Variants in SPDYE17 observed in about 807,000 individuals in gnomAD.
SPDYE17 encodes speedy protein E17.
For missense variants in SPDYE17, 7 were observed against 38.0 expected (o/e 0.18, Z 2.15); for synonymous variants, 4 against 14.8 (o/e 0.27, Z 1.68).
intron 5 of SPDYE17, chr7:77,025,429 A>G (rs1489490437): frequency 1.5e-5 from 3 of 195,988 alleles, no homozygotes; most frequent in Non-Finnish European, 2.7e-5. Context: ...TGGGCAACAT[A>G]GCAAGACCCT....
At chr7:77,026,527 T>C (rs1358447349) in intron 5 of SPDYE17, among the ~76,000 whole-genome samples, 3 of 150,270 alleles carry the variant, frequency 2.0e-5, no homozygotes, top group Admixed American at 6.8e-5. Context: ...CGGAGGAGGC[T>C]GATGGCTTTT....
intron 5 of SPDYE17, among the ~76,000 whole-genome samples, chr7:77,026,530 T>C (rs1789435468): frequency 6.6e-6 from 1 of 150,430 alleles, no homozygotes; most frequent in African/African-American, 2.4e-5. Context: ...AGGAGGCTGA[T>C]GGCTTTTGCG....
At chr7:77,026,470 C>T (rs1488824149) in intron 5 of SPDYE17, among the ~76,000 whole-genome samples, 25 of 149,026 alleles carry the variant, frequency 1.7e-4, no homozygotes, top group African/African-American at 4.9e-4. Flanking sequence ...ACAGTGGATT[C>T]GAGTGATGCA....
Position 77,029,821 on chromosome 7 carries a change from C to T in SPDYE17, c.131-370G>A, listed in dbSNP as rs1208505404. On this transcript the variant is annotated intron_variant, in intron 2 of 7. Coordinates refer to ENST00000671986, the MANE Select transcript of SPDYE17 (RefSeq NM_001351351.3). ...TCCCGGATTCCATTTATTCTCCTGCCTCAGCCTCTCAGGTAGCTGGGATTA... is the reference window on the plus strand; with the variant it reads ...TCCCGGATTCCATTTATTCTCCTGCTTCAGCCTCTCAGGTAGCTGGGATTA... 1.6e-5 allele frequency among the ~76,000 whole-genome samples: 2 copies of T among 127,474 alleles called. 1 individual carries two copies. The highest frequency in any genetic ancestry group is 3.2e-5 in the Non-Finnish European group (2 of 62,060). 83.6% of individuals were successfully genotyped at this position (127,474 alleles called of 152,430 possible). A position where few individuals can be genotyped will look rare whatever the true frequency, so the allele number is the denominator to read the frequency against.
At chr7:77,028,267 C>A in intron 3 of SPDYE17, 67 bp from the exon 4 acceptor site, 4 of 1,059,590 alleles carry the variant, frequency 3.8e-6, no homozygotes, top group Non-Finnish European at 5.1e-6. Context: ...AGCAGGGCAG[C>A]GAGGAGAAGT....
chr7:77,029,965 C>G (rs1442456639), intron 2 of SPDYE17, among the ~76,000 whole-genome samples: 1 of 125,050 alleles, frequency 8.0e-6, no homozygotes, highest in African/African-American at 2.9e-5. Flanking sequence ...CCTTGGCTTC[C>G]CAAAGTGCTG....
rs555908676 is a variant in SPDYE17, at chr7:77,027,980, G to A, written c.408+162C>T. Among the ~76,000 whole-genome samples, 12 of 131,292 alleles carry A rather than the reference G, an allele frequency of 9.1e-5. 3 individuals are homozygous for A. The highest frequency in any genetic ancestry group is 3.2e-4 in the African/African-American group (12 of 37,462). The allele number at this position is 131,292 out of a possible 152,430, so 86.1% of individuals were successfully genotyped here. Reference sequence around the variant, plus strand: ...ACTGCCCTCCAGCCTGGGCAACAGAGCAAGACTGTGTCTCACAAAAAAAAA... The same window carrying A: ...ACTGCCCTCCAGCCTGGGCAACAGAACAAGACTGTGTCTCACAAAAAAAAA... On this transcript the variant is annotated intron_variant, in intron 4 of 7. Transcript: ENST00000671986.
Position 77,028,035 on chromosome 7 carries a change from A to G in SPDYE17, c.408+107T>C, listed in dbSNP as rs1409206929. 4 of 807,678 alleles carry G rather than the reference A, an allele frequency of 5.0e-6. 2 individuals carry two copies. Among genetic ancestry groups the G allele is most frequent in the Non-Finnish European group, 7.3e-6 (4 of 547,452 alleles). 50.0% of individuals were successfully genotyped at this position (807,678 alleles called of 1,614,324 possible). On this transcript the variant is annotated intron_variant, in intron 4 of 7. Transcript: ENST00000671986. ...AACAAAAACAAAAAAAAACTGTAGGAGCATCTGGTGGGAGGTGGTGGACGG... is the reference window on the plus strand; with the variant it reads ...AACAAAAACAAAAAAAAACTGTAGGGGCATCTGGTGGGAGGTGGTGGACGG...
rs1789473937 is a variant in SPDYE17, at chr7:77,029,371, C to T, written c.211G>A (p.Glu71Lys). 2.3e-5 allele frequency: 3 copies of T among 129,564 alleles called. No individual in the cohort carries two copies. The highest frequency in any genetic ancestry group is 4.5e-4 in the African/African-American group (2 of 4,436). The allele number at this position is 129,564 out of a possible 1,614,324, so 8.0% of individuals were successfully genotyped here. A position where few individuals can be genotyped will look rare whatever the true frequency, so the allele number is the denominator to read the frequency against. ...KRECLDESDD[E>K]PEKELAPEPE... ...TCAGGGGCGAGCTCCTTCTCTGGCT[C>T]ATCATCAGATTCATCCAAACATTCC... Residue 71 changes from glutamate to lysine, a missense_variant, in exon 3 of 8, where the codon GAG (glutamate) becomes AAG (lysine). Glu to Lys is a moderately conservative substitution (Grantham distance 56). Transcript: ENST00000671986.
intron 5 of SPDYE17, chr7:77,025,693 A>G (rs1369223505): frequency 6.9e-5 from 9 of 130,306 alleles, no homozygotes; most frequent in Admixed American, 9.1e-5. Flanking sequence ...GCAGTGAGCC[A>G]AGATTGGGCC....
At position 77,032,246 on chromosome 7, in the gene SPDYE17, A is replaced by G. The variant is rs1789500473; in HGVS notation, c.-460T>C. On this transcript the variant is annotated 5_prime_UTR_variant, in exon 1 of 8. Transcript: ENST00000671986. ...AAAAACAAACAAAAAGAACCTGTGGATGAGTTCCCACATGGCTTCCTAACG... is the reference window on the plus strand; with the variant it reads ...AAAAACAAACAAAAAGAACCTGTGGGTGAGTTCCCACATGGCTTCCTAACG... Among the ~76,000 whole-genome samples the G allele has an allele frequency of 8.0e-5, 10 of 125,406 alleles. 1 individual carries two copies. The South Asian group carries it at 3.1e-3, about 39-fold the overall frequency. The allele number at this position is 125,406 out of a possible 152,430, so 82.3% of individuals were successfully genotyped here.
At position 77,032,225 on chromosome 7, in the gene SPDYE17, A is replaced by AC. The variant is rs1554337111; in HGVS notation, c.-454+14dup. Among the ~76,000 whole-genome samples the AC allele has an allele frequency of 8.4e-6, 1 of 118,454 alleles. No individual in the cohort carries two copies. Among genetic ancestry groups the AC allele is most frequent in the African/African-American group, 3.2e-5 (1 of 31,444 alleles). The allele number at this position is 118,454 out of a possible 152,430, so 77.7% of individuals were successfully genotyped here. A position where few individuals can be genotyped will look rare whatever the true frequency, so the allele number is the denominator to read the frequency against. On this transcript the variant is annotated intron_variant, in intron 1 of 7. Transcript: ENST00000671986. ...AACTACATCTCAAAAAAAAAAAAAA[A>AC]CAAACAAAAAGAACCTGTGGATGAG...
At chr7:77,027,935 C>T (rs1229731377) in intron 4 of SPDYE17, among the ~76,000 whole-genome samples, 1 of 130,708 alleles carries the variant, frequency 7.7e-6, no homozygotes, top group Non-Finnish European at 1.6e-5. Flanking sequence ...GCATCAGCTG[C>T]AGTGAGTCAA....
chr7:77,029,949 T>C (rs368462990), intron 2 of SPDYE17, among the ~76,000 whole-genome samples: 76 of 123,794 alleles, frequency 6.1e-4, no homozygotes, highest in African/African-American at 2.0e-3. Flanking sequence ...TCAAGTGATC[T>C]GCCTGCCTTG....
rs1789473629 is a variant in SPDYE17 at position 77,029,330 on chromosome 7, C to G, written c.252G>C (p.Trp84Cys). Reference sequence around the variant, plus strand: ...TGAGGCCACACAGCGTCTCCGCCACCCAGGTCTCCTCAGGCTCAGGGGCGA... The same window carrying G: ...TGAGGCCACACAGCGTCTCCGCCACGCAGGTCTCCTCAGGCTCAGGGGCGA... ...KELAPEPEETWVAETLCGLKM... is the reference protein window; with the variant it reads ...KELAPEPEETCVAETLCGLKM... Residue 84 changes from tryptophan to cysteine, a missense_variant, in exon 3 of 8, where the codon TGG (tryptophan) becomes TGC (cysteine). Physicochemically the swap from Trp to Cys is radical, Grantham distance 215. Coordinates refer to ENST00000671986, the MANE Select transcript of SPDYE17 (RefSeq NM_001351351.3). 4.8e-5 allele frequency: 6 copies of G among 125,162 alleles called. No homozygotes were observed. In the East Asian group the frequency reaches 1.7e-3, roughly 34 times the overall value. 7.8% of individuals were successfully genotyped at this position (125,162 alleles called of 1,614,324 possible).
At chr7:77,026,481 AG>A (rs1251971030) in intron 5 of SPDYE17, among the ~76,000 whole-genome samples, 1 of 149,704 alleles carries the variant, frequency 6.7e-6, no homozygotes, top group East Asian at 2.1e-4. Context: ...GAGTGATGCA[AG>A]GGGGACCTGG....
At chr7:77,029,506 C>A in intron 2 of SPDYE17, 55 bp from the exon 3 acceptor site, 1 of 59,382 alleles carries the variant, frequency 1.7e-5, no homozygotes, top group Non-Finnish European at 2.6e-5. Context: ...TCACGTTAGA[C>A]CCCGACCCCA....
intron 5 of SPDYE17, chr7:77,025,537 G>T (rs1789417307): frequency 5.9e-6 from 1 of 170,288 alleles, no homozygotes; most frequent in Non-Finnish European, 1.1e-5. Context: ...TTGAGACCAG[G>T]AGTTTGAGAC....
At chr7:77,025,324 C>G (rs1186942632) in intron 5 of SPDYE17, 3 of 40,084 alleles carry the variant, frequency 7.5e-5, no homozygotes, top group African/African-American at 2.3e-4. Flanking sequence ...AAAAACCCAA[C>G]TGGTGACCAA....
Sources: allele counts gnomAD v4.1 joint callset (sites outside exome capture counted in the v4.1 genomes callset), GRCh38; gene constraint gnomAD v4.1.1; transcripts MANE v1.5; gene names NCBI Gene and HGNC (gene_info 2026-07-23, HGNC 2026-07-21).